The following SRBD1 variants were observed in gnomAD, a reference collection of about 807,000 sequenced individuals.
SRBD1 encodes S1 RNA binding domain 1.
Under a neutral mutation model 115.3 loss-of-function variants are expected in SRBD1, and 88 were observed. That is an observed-to-expected ratio of 0.76 (90% CI 0.64 to 0.91). The LOEUF is 0.91. Ranked by LOEUF, SRBD1 falls within the 40% of genes least tolerant of loss-of-function variation. SRBD1 has a pLI of 0.00. For missense variants in SRBD1, 1,385 were observed against 1,177.4 expected (o/e 1.18, Z -2.58); for synonymous variants, 509 against 407.7 (o/e 1.25, Z -2.99).
At chr2:45,564,822 A>G (rs1672776836) in intron 9 of SRBD1, among the ~76,000 whole-genome samples, 1 of 152,188 alleles carries the variant, frequency 6.6e-6, no homozygotes, top group African/African-American at 2.4e-5. Context: ...ACGCATAAGG[A>G]GAGCTGATTT....
chr2:45,602,684 A>T (rs13389134), intron 2 of SRBD1, among the ~76,000 whole-genome samples: 13,639 of 152,202 alleles, frequency 0.09, 1,183 homozygotes, highest in African/African-American at 0.23. Context: ...ACGAAGAATC[A>T]AACTCACAGC....
rs556041509 is a variant in SRBD1, at chr2:45,585,729, T to C, written c.694A>G (p.Ile232Val). The change falls in exon 5 of 21, where the codon ATC becomes GTC. Residue 232 changes from isoleucine (I) to valine (V), a missense_variant. Ile to Val is a conservative substitution (Grantham distance 29). Transcript: ENST00000263736. ...TTATCATCATTAAAGAGACGAATGA[T>C]GTTGGCACAAACCCAAGGTTCAATA... ...TNIEPWVCANIIRLFNDDNTI... is the reference protein window; with the variant it reads ...TNIEPWVCANVIRLFNDDNTI... 1 of 1,611,286 alleles carries C rather than the reference T, an allele frequency of 6.2e-7. No homozygotes were observed. The highest frequency in any genetic ancestry group is 1.1e-5 in the South Asian group (1 of 90,308).
At chr2:45,581,541 A>G (rs1673364204) in intron 6 of SRBD1, 152 bp downstream of exon 6, 1 of 595,780 alleles carries the variant, frequency 1.7e-6, no homozygotes, top group Admixed American at 3.2e-5. Context: ...CACTCTATAA[A>G]TATTTATTGA....
chr2:45,569,207 G>A (rs1203310766), intron 9 of SRBD1: 2 of 152,078 alleles, frequency 1.3e-5, no homozygotes, highest in Non-Finnish European at 2.9e-5. Flanking sequence ...TAAGAGGCAG[G>A]GTCCCACTGT....
intron 16 of SRBD1, among the ~76,000 whole-genome samples, chr2:45,428,985 A>C (rs1213053680): frequency 6.6e-6 from 1 of 152,230 alleles, no homozygotes; most frequent in African/African-American, 2.4e-5. Flanking sequence ...ATCCCACAGA[A>C]ATACAAACTA....
intron 18 of SRBD1, among the ~76,000 whole-genome samples, chr2:45,414,446 A>G (rs1046660010): frequency 6.8e-6 from 1 of 147,812 alleles, no homozygotes; most frequent in Non-Finnish European, 1.5e-5. Context: ...ACTATATAGT[A>G]TATATGTAGT....
In SRBD1 at chr2:45,574,407, G is replaced by C. The variant is rs183918852; in HGVS notation, c.1169+220C>G. Among the ~76,000 whole-genome samples, 3 of 152,272 alleles carry C rather than the reference G, an allele frequency of 2.0e-5. No homozygotes were observed. In the East Asian group the frequency reaches 5.8e-4, roughly 29 times the overall value. ...AGATGCCTCAGTGTAAGGAGGGTGAGTAGGCAGAGTTCCAGGCTCCCTGTC... is the reference window on the plus strand; with the variant it reads ...AGATGCCTCAGTGTAAGGAGGGTGACTAGGCAGAGTTCCAGGCTCCCTGTC... On this transcript the variant is annotated intron_variant, in intron 8 of 20. Coordinates refer to ENST00000263736, the MANE Select transcript of SRBD1 (RefSeq NM_018079.5).
At chr2:45,487,534 T>C (rs1670156965) in intron 15 of SRBD1, among the ~76,000 whole-genome samples, 1 of 152,222 alleles carries the variant, frequency 6.6e-6, no homozygotes, top group Non-Finnish European at 1.5e-5. Context: ...GTCTGTGTAC[T>C]TTCATAAATT....
intron 16 of SRBD1, among the ~76,000 whole-genome samples, chr2:45,466,065 C>A (rs1208145446): frequency 2.0e-5 from 3 of 152,180 alleles, no homozygotes; most frequent in African/African-American, 4.8e-5. Flanking sequence ...TGGAAACAGC[C>A]TACCCTCATG....
At chr2:45,436,583 C>T (rs901761351) in intron 16 of SRBD1, among the ~76,000 whole-genome samples, 4 of 152,144 alleles carry the variant, frequency 2.6e-5, no homozygotes, top group African/African-American at 9.7e-5. Flanking sequence ...GAAGGGGAAG[C>T]AGGCATGACT....
In SRBD1 at chr2:45,505,356, G is replaced by T. The variant is rs1670766126; in HGVS notation, c.1875-17025C>A. On this transcript the variant is annotated intron_variant, in intron 14 of 20. Coordinates refer to ENST00000263736, the MANE Select transcript of SRBD1 (RefSeq NM_018079.5). ...GCCTAGAGAGCACATTCTGAAAAGA[G>T]CAAACCTCAGGCTCAGTTAAATCAA... is the stretch of plus-strand genomic sequence containing the variant. 3.3e-5 allele frequency among the ~76,000 whole-genome samples: 5 copies of T among 152,128 alleles called. No individual in the cohort carries two copies. The South Asian group carries it at 1.0e-3, about 32-fold the overall frequency.
intron 12 of SRBD1, among the ~76,000 whole-genome samples, chr2:45,548,366 A>G (rs1672186154): frequency 1.3e-5 from 2 of 151,980 alleles, no homozygotes; most frequent in Admixed American, 6.5e-5. Context: ...AGATACAAAT[A>G]CAGGAATTAT....
At chr2:45,489,115 C>G (rs147400410) in intron 14 of SRBD1, among the ~76,000 whole-genome samples, 2 of 152,272 alleles carry the variant, frequency 1.3e-5, no homozygotes, top group East Asian at 3.9e-4. Context: ...CCATTTTGTA[C>G]AGCTTATGAA....
chr2:45,447,669 C>T (rs1668867245), intron 16 of SRBD1: 1 of 152,212 alleles, frequency 6.6e-6, no homozygotes, highest in South Asian at 2.1e-4. Context: ...GAAGAATAGC[C>T]ATTAGGCATA....
At chr2:45,508,964 G>A (rs1290555055) in intron 14 of SRBD1, among the ~76,000 whole-genome samples, 1 of 152,108 alleles carries the variant, frequency 6.6e-6, no homozygotes, top group African/African-American at 2.4e-5. Context: ...AAAAATGTTT[G>A]CAGGGCACGG....
At chr2:45,565,537 AG>A (rs1377217958) in intron 9 of SRBD1, among the ~76,000 whole-genome samples, 2 of 152,230 alleles carry the variant, frequency 1.3e-5, no homozygotes, top group African/African-American at 4.8e-5. Context: ...CCATTAAAAA[AG>A]GAGAAAATTT....
In SRBD1 at chr2:45,546,214, G is replaced by C. The variant is rs796581464; in HGVS notation, c.1874+518C>G. 2.7e-5 allele frequency: 27 copies of C among 985,440 alleles called. No individual in the cohort carries two copies. In the African/African-American group the frequency reaches 4.2e-4, roughly 15 times the overall value. 61.0% of individuals were successfully genotyped at this position (985,440 alleles called of 1,614,324 possible). A position where few individuals can be genotyped will look rare whatever the true frequency, so the allele number is the denominator to read the frequency against. On this transcript the variant is annotated intron_variant, in intron 14 of 20. Transcript: ENST00000263736. Reference sequence around the variant, plus strand: ...AGAAATTGGGTCTTTCTAATCCAAAGCTATTCACAAGTTATCTGTATGCCT... The same window carrying C: ...AGAAATTGGGTCTTTCTAATCCAAACCTATTCACAAGTTATCTGTATGCCT...
chr2:45,487,511 C>T (rs565569329), intron 15 of SRBD1, among the ~76,000 whole-genome samples: 1 of 151,980 alleles, frequency 6.6e-6, no homozygotes, highest in Admixed American at 6.6e-5. Context: ...AAATATTTGG[C>T]AATAAACTGA....
At position 45,599,498 on chromosome 2, in the gene SRBD1, T is replaced by C. The variant is rs771848370; in HGVS notation, c.599A>G (p.Asn200Ser). 1 of 1,614,200 alleles carries C rather than the reference T, an allele frequency of 6.2e-7. No individual in the cohort carries two copies. Among genetic ancestry groups the C allele is most frequent in the Non-Finnish European group, 8.5e-7 (1 of 1,180,032 alleles). ...CACCTCCTCTTTAGTACTATTGGCA[T>C]TTGCTGGAAACTTGACAGGCTGCCC... ...PQGQPVKFPA[N>S]ANSTKEEVEM... The change falls in exon 4 of 21, where the codon AAT becomes AGT. Residue 200 changes from asparagine to serine, a missense_variant. Coordinates refer to ENST00000263736, the MANE Select transcript of SRBD1 (RefSeq NM_018079.5).
Sources: allele counts gnomAD v4.1 joint callset (sites outside exome capture counted in the v4.1 genomes callset), GRCh38; gene constraint gnomAD v4.1.1; transcripts MANE v1.5; gene names NCBI Gene and HGNC (gene_info 2026-07-23, HGNC 2026-07-21).